Variants in CBFA2T2 observed in about 807,000 individuals in gnomAD.
CBFA2T2 encodes the protein CBFA2/RUNX1 partner transcriptional co-repressor 2, also known as protein CBFA2T2.
In CBFA2T2, 11 loss-of-function variants were observed where a neutral mutation model predicts 62.2. The ratio of observed to expected loss-of-function variants is 0.18; its 90% CI spans 0.11 to 0.29. CBFA2T2 has a LOEUF of 0.29. CBFA2T2 is among the 10% of genes least tolerant of loss of function. CBFA2T2 has a pLI of 1.00. For missense variants in CBFA2T2, 592 were observed against 774.1 expected (o/e 0.76, Z 2.79); for synonymous variants, 295 against 287.5 (o/e 1.03, Z -0.27).
intron 1 of CBFA2T2, among the ~76,000 whole-genome samples, chr20:33,603,057 ATTGT>A (rs1426857157): frequency 1.3e-5 from 2 of 152,098 alleles, no homozygotes; most frequent in Non-Finnish European, 2.9e-5. Flanking sequence ...AAACTTATGA[ATTGT>A]TTATTTCTGA....
chr20:33,638,866 C>T (rs1419406795), intron 9 of CBFA2T2: 1 of 152,232 alleles, frequency 6.6e-6, no homozygotes, highest in Non-Finnish European at 1.5e-5. Flanking sequence ...TGAACAGGAA[C>T]CAGGTAGGAT....
chr20:33,615,770 A>C (rs1456999825), intron 3 of CBFA2T2, among the ~76,000 whole-genome samples: 6 of 152,118 alleles, frequency 3.9e-5, no homozygotes, highest in Non-Finnish European at 5.9e-5. Flanking sequence ...GAGACTCTTA[A>C]AGGTAGAGAG....
intron 1 of CBFA2T2, among the ~76,000 whole-genome samples, chr20:33,554,096 C>T (rs145430097): frequency 1.2e-3 from 179 of 152,012 alleles, no homozygotes; most frequent in African/African-American, 4.1e-3. Context: ...ATTTTTGCAA[C>T]CTGATGCTTG....
At chr20:33,509,928 G>T (rs1056573880) in intron 1 of CBFA2T2, among the ~76,000 whole-genome samples, 1 of 150,932 alleles carries the variant, frequency 6.6e-6, no homozygotes, top group Non-Finnish European at 1.5e-5. Context: ...CCATTAACTC[G>T]TCATTTACAT....
chr20:33,513,087 G>GA (rs1366509969), intron 1 of CBFA2T2, among the ~76,000 whole-genome samples: 3 of 152,080 alleles, frequency 2.0e-5, no homozygotes, highest in African/African-American at 7.2e-5. Context: ...GTATGCCTAG[G>GA]AATGGGATTG....
chr20:33,611,384 G>A, intron 3 of CBFA2T2, 49 bp downstream of exon 3: 1 of 1,599,378 alleles, frequency 6.3e-7, no homozygotes. Flanking sequence ...ATGTGGCTCA[G>A]GTCCAAAGCG....
At chr20:33,580,713 G>T (rs997268973) in intron 1 of CBFA2T2, among the ~76,000 whole-genome samples, 1 of 152,064 alleles carries the variant, frequency 6.6e-6, no homozygotes, top group Non-Finnish European at 1.5e-5. Context: ...TTAGCCAGGC[G>T]TGGTGGTATG....
At chr20:33,559,202 G>T (rs1400281462) in intron 1 of CBFA2T2, among the ~76,000 whole-genome samples, 1 of 114,136 alleles carries the variant, frequency 8.8e-6, no homozygotes, top group Non-Finnish European at 1.6e-5. Context: ...TTCTGAGATG[G>T]AGTGTCACTC....
At chr20:33,568,707 C>T (rs2013437398) in intron 1 of CBFA2T2, among the ~76,000 whole-genome samples, 1 of 152,166 alleles carries the variant, frequency 6.6e-6, no homozygotes, top group Admixed American at 6.5e-5. Context: ...TCTGAAACCC[C>T]CATGTCCCTC....
intron 1 of CBFA2T2, among the ~76,000 whole-genome samples, chr20:33,543,789 A>T (rs2012466519): frequency 6.6e-6 from 1 of 152,186 alleles, no homozygotes; most frequent in Non-Finnish European, 1.5e-5. Context: ...ACATTATGAT[A>T]ACCATATTTC....
At chr20:33,524,838 T>G (rs1305122796) in intron 1 of CBFA2T2, among the ~76,000 whole-genome samples, 2 of 151,960 alleles carry the variant, frequency 1.3e-5, no homozygotes, top group African/African-American at 2.4e-5. Context: ...GACAAATAGC[T>G]TTTTTTTGTT....
chr20:33,529,691 A>T (rs905934233), intron 1 of CBFA2T2, among the ~76,000 whole-genome samples: 2 of 150,450 alleles, frequency 1.3e-5, no homozygotes, highest in Non-Finnish European at 2.9e-5. Flanking sequence ...AACAAAAAAA[A>T]ACTAGGCATA....
At position 33,625,016 on chromosome 20, in the gene CBFA2T2, T is replaced by C; in HGVS notation, c.945T>C (p.Leu315=). The change falls in exon 6 of 11, where the codon CTT becomes CTC. Residue 315 remains leucine (L), a splice_region_variant and synonymous_variant. Coordinates refer to ENST00000342704, the MANE Select transcript of CBFA2T2 (RefSeq NM_001032999.3). ...HREVRDRHHS[L]GLNGGYQDEL... ...AAGTTCGTGATAGACACCACAGTCT[T>C]GGTAAGCAACCGAAGCAGCATGGTA... 6.2e-7 allele frequency: 1 copy of C among 1,610,188 alleles called. No individual in the cohort carries two copies. The highest frequency in any genetic ancestry group is 8.5e-7 in the Non-Finnish European group (1 of 1,176,682).
intron 5 of CBFA2T2, chr20:33,624,055 T>G (rs1238572597): frequency 1.9e-6 from 1 of 539,902 alleles, no homozygotes. Context: ...TCTGAGAAGT[T>G]TTGAAAAAGT....
At chr20:33,582,804 T>G (rs2014181582) in intron 1 of CBFA2T2, among the ~76,000 whole-genome samples, 1 of 152,030 alleles carries the variant, frequency 6.6e-6, no homozygotes. Context: ...TAGCCAGGTG[T>G]GGTAGCACGT....
chr20:33,603,236 C>G (rs1408441280), intron 1 of CBFA2T2, among the ~76,000 whole-genome samples: 1 of 152,086 alleles, frequency 6.6e-6, no homozygotes, highest in African/African-American at 2.4e-5. Flanking sequence ...CTTTAAATTC[C>G]TATGTAGGAA....
In CBFA2T2 at chr20:33,644,651, C is replaced by G. The variant is rs375659469; in HGVS notation, c.*5C>G. 3.8e-6 allele frequency: 6 copies of G among 1,593,716 alleles called. No homozygotes were observed. The Admixed American group carries it at 1.0e-4, about 27-fold the overall frequency. ...ATCGACACCAACGGACTCTGAGCCC[C>G]GGACTCTGCTTACCCTGATGGCTGC... On this transcript the variant is annotated 3_prime_UTR_variant, in exon 11 of 11. Transcript: ENST00000342704.
intron 1 of CBFA2T2, among the ~76,000 whole-genome samples, chr20:33,501,630 C>CTT (rs869281966): frequency 0.53 from 32,821 of 62,030 alleles, 14,343 homozygotes; most frequent in Middle Eastern, 0.68. Context: ...CTTAGCCTTC[C>CTT]TTTTTTTTTT....
At chr20:33,534,366 C>G (rs775339953) in intron 1 of CBFA2T2, among the ~76,000 whole-genome samples, 1 of 152,142 alleles carries the variant, frequency 6.6e-6, no homozygotes, top group Non-Finnish European at 1.5e-5. Context: ...GTTGCCCAGG[C>G]TGGAGTACAG....
Sources: gnomAD v4.1 joint callset for allele counts (sites outside exome capture counted in the v4.1 genomes callset) on GRCh38, gnomAD v4.1.1 for gene constraint, MANE v1.5 for transcripts, NCBI Gene and HGNC (gene_info 2026-07-23, HGNC 2026-07-21) for gene names.